Variants in CGAS observed in about 807,000 individuals in gnomAD.
CGAS encodes the protein cyclic GMP-AMP synthase.
In CGAS, 31 loss-of-function variants were observed where a neutral mutation model predicts 34.0. That is an observed-to-expected ratio of 0.91 (90% confidence interval 0.69 to 1.23). The LOEUF is 1.23. CGAS is among the 50% of genes most tolerant of loss of function. CGAS has a pLI of 0.00. For missense variants in CGAS, 597 were observed against 657.6 expected (o/e 0.91, Z 1.01); for synonymous variants, 266 against 260.0 (o/e 1.02, Z -0.22).
Position 73,423,832 on chromosome 6 carries a change from A to C in CGAS, c.*1395T>G, listed in dbSNP as rs1770032353. 1 of 152,186 alleles carries C rather than the reference A, an allele frequency of 6.6e-6. No homozygotes were observed. The highest frequency in any genetic ancestry group is 2.4e-5 in the African/African-American group (1 of 41,450). The allele number at this position is 152,186 out of a possible 1,614,324, so 9.4% of individuals were successfully genotyped here. On this transcript the variant is annotated 3_prime_UTR_variant, in exon 5 of 5. Transcript: ENST00000370315. The stretch of plus-strand genomic sequence containing the variant: ...AAACAAAAAAACCTTGTTTACTAAA[A>C]GACACCAAAAAATGTGCAGACAACC...
At chr6:73,427,278 C>A (rs1318540390) in intron 4 of CGAS, among the ~76,000 whole-genome samples, 9 of 143,600 alleles carry the variant, frequency 6.3e-5, no homozygotes, top group Admixed American at 3.6e-4. Context: ...GGCCAACTTA[C>A]TTTATTTATT....
At chr6:73,434,683 T>A (rs1770251889) in intron 3 of CGAS, among the ~76,000 whole-genome samples, 1 of 152,080 alleles carries the variant, frequency 6.6e-6, no homozygotes, top group Non-Finnish European at 1.5e-5. Context: ...AGTCTCGCTG[T>A]GTCTCCTAGA....
intron 4 of CGAS, among the ~76,000 whole-genome samples, chr6:73,426,592 C>T (rs1423950142): frequency 6.6e-6 from 1 of 150,990 alleles, no homozygotes; most frequent in East Asian, 1.9e-4. Flanking sequence ...AATCTCGGCT[C>T]ACTGCAACCT....
At chr6:73,432,589 C>G (rs569841956) in intron 3 of CGAS, among the ~76,000 whole-genome samples, 2 of 152,282 alleles carry the variant, frequency 1.3e-5, no homozygotes, top group East Asian at 3.9e-4. Context: ...CCCCAAATAG[C>G]TGGGACAACA....
At chr6:73,440,925 CA>C (rs1770367931) in intron 2 of CGAS, among the ~76,000 whole-genome samples, 1 of 151,330 alleles carries the variant, frequency 6.6e-6, no homozygotes, top group Non-Finnish European at 1.5e-5. Context: ...AAACAAAAAA[CA>C]AAAAACACAA....
chr6:73,452,117 G>T lies in CGAS; in HGVS notation c.65C>A (p.Ala22Asp). Residue 22 changes from alanine to aspartate, a missense_variant, in exon 1 of 5, where the codon GCT (alanine) becomes GAT (aspartate). By Grantham distance (126) the Ala-to-Asp change is moderately radical. Around this residue, in one of 3 missense-constraint regions of CGAS, gnomAD observed 321 missense variants for 314.3 expected, o/e 1.02. Transcript: ENST00000370315. ...ASEAGATAPKASARNARGAPM... is the reference protein window; with the variant it reads ...ASEAGATAPKDSARNARGAPM... Reference sequence around the variant, plus strand: ...GGCGCCCCTGGCATTCCGTGCGGAAGCCTTGGGGGCAGTGGCTCCGGCCTC... The same window carrying T: ...GGCGCCCCTGGCATTCCGTGCGGAATCCTTGGGGGCAGTGGCTCCGGCCTC... 6.2e-7 allele frequency: 1 copy of T among 1,603,774 alleles called. No homozygotes were observed. The highest frequency in any genetic ancestry group is 1.1e-5 in the South Asian group (1 of 89,650).
At chr6:73,430,583 G>C (rs1376757511) in intron 3 of CGAS, among the ~76,000 whole-genome samples, 1 of 152,048 alleles carries the variant, frequency 6.6e-6, no homozygotes, top group African/African-American at 2.4e-5. Flanking sequence ...CGAGGTTGCA[G>C]TGAGTCGAGA....
Position 73,441,082 on chromosome 6 carries a change from C to CT in CGAS, c.878-638dup, listed in dbSNP as rs570875136. 5.7e-3 allele frequency among the ~76,000 whole-genome samples: 783 copies of CT among 136,206 alleles called. 4 individuals are homozygous for CT. Among genetic ancestry groups the CT allele is most frequent in the East Asian group, 0.012 (55 of 4,764 alleles). The allele number at this position is 136,206 out of a possible 152,430, so 89.4% of individuals were successfully genotyped here. On this transcript the variant is annotated intron_variant, in intron 2 of 4. Coordinates refer to ENST00000370315, the MANE Select transcript of CGAS (RefSeq NM_138441.3). ...TCTTTTCTTTTTTCTTTTTCTTTTT[C>CT]TTTTTTTTTTTTTTTGAGACAGAGT...
intron 2 of CGAS, among the ~76,000 whole-genome samples, chr6:73,442,569 T>C (rs1770396424): frequency 1.3e-5 from 2 of 150,944 alleles, no homozygotes; most frequent in Non-Finnish European, 3.0e-5. Context: ...CCTGGCTAAT[T>C]AAAAAAATGT....
rs531954415 is a variant in CGAS, at chr6:73,428,799, C to T, written c.1127G>A (p.Arg376Gln). Reference protein sequence around the residue: ...EGNGFQEETWRLSFSHIEKEI... With the variant: ...EGNGFQEETWQLSFSHIEKEI... Reference sequence around the variant, plus strand: ...CTTTTCGATGTGAGAGAAGGATAGCCGCCATGTTTCTTCTTAATTTCAAAA... The same window carrying T: ...CTTTTCGATGTGAGAGAAGGATAGCTGCCATGTTTCTTCTTAATTTCAAAA... The change falls in exon 4 of 5, where the codon CGG (arginine) becomes CAG (glutamine). Residue 376 changes from arginine (R) to glutamine (Q), a missense_variant. Physicochemically the swap from Arg to Gln is conservative, Grantham distance 43. Around this residue, in one of 3 missense-constraint regions of CGAS, gnomAD observed 271 missense variants for 324.1 expected, o/e 0.84. Transcript: ENST00000370315. 158 of 1,610,880 alleles carry T rather than the reference C, an allele frequency of 9.8e-5. No individual in the cohort carries two copies. The highest frequency in any genetic ancestry group is 1.2e-4 in the Non-Finnish European group (147 of 1,179,240).
chr6:73,433,317 A>G (rs1055206392), intron 3 of CGAS, among the ~76,000 whole-genome samples: 4 of 151,550 alleles, frequency 2.6e-5, no homozygotes, highest in African/African-American at 9.7e-5. Flanking sequence ...GCTGGAGTGC[A>G]GTGGCAAGAT....
intron 3 of CGAS, among the ~76,000 whole-genome samples, chr6:73,431,633 T>G (rs2150810739): frequency 6.6e-6 from 1 of 152,322 alleles, no homozygotes; most frequent in Non-Finnish European, 1.5e-5. Flanking sequence ...GAGTAAATTT[T>G]ATTCAAGGAA....
At chr6:73,427,531 C>G (rs1200953265) in intron 4 of CGAS, among the ~76,000 whole-genome samples, 1 of 152,120 alleles carries the variant, frequency 6.6e-6, no homozygotes, top group African/African-American at 2.4e-5. Context: ...AATTCCTGAC[C>G]TCAGGTGATC....
chr6:73,438,834 T>C (rs1024767093), intron 3 of CGAS, among the ~76,000 whole-genome samples: 4 of 152,190 alleles, frequency 2.6e-5, no homozygotes, highest in Non-Finnish European at 5.9e-5. Context: ...TGGGGTCCTG[T>C]TGCAATTTTT....
chr6:73,425,587 TA>T lies in CGAS; in HGVS notation c.1218-10del, dbSNP rs1562289707. 6.5e-7 allele frequency: 1 copy of T among 1,539,236 alleles called. No homozygotes were observed. Reference sequence around the variant, plus strand: ...GTTTTAAACAATCTTTCCTGTTGAATAAAAAAGGAAAACACTTATTTTTACT... The same window carrying T: ...GTTTTAAACAATCTTTCCTGTTGAATAAAAAGGAAAACACTTATTTTTACT... On this transcript the variant is annotated splice_polypyrimidine_tract_variant and intron_variant, in intron 4 of 4. Transcript: ENST00000370315.
At chr6:73,436,193 A>G (rs1179046371) in intron 3 of CGAS, among the ~76,000 whole-genome samples, 5 of 151,906 alleles carry the variant, frequency 3.3e-5, no homozygotes, top group Admixed American at 2.0e-4. Flanking sequence ...AACTAGGACT[A>G]TAAGCACATG....
At chr6:73,443,003 A>C (rs1487346658) in intron 2 of CGAS, among the ~76,000 whole-genome samples, 1 of 151,680 alleles carries the variant, frequency 6.6e-6, no homozygotes, top group Admixed American at 6.6e-5. Context: ...GTGCTGAGAC[A>C]CCACAGTTAG....
chr6:73,435,666 T>C (rs1232554800), intron 3 of CGAS, among the ~76,000 whole-genome samples: 1 of 151,460 alleles, frequency 6.6e-6, no homozygotes, highest in African/African-American at 2.4e-5. Flanking sequence ...GTCCTGGCCA[T>C]GATGGCTCAT....
At chr6:73,442,154 TG>T (rs1770389911) in intron 2 of CGAS, among the ~76,000 whole-genome samples, 2 of 152,142 alleles carry the variant, frequency 1.3e-5, no homozygotes, top group African/African-American at 4.8e-5. Context: ...GTTACAAGTG[TG>T]AGCCACTGTG....
Sources: gnomAD v4.1 joint callset for allele counts (sites outside exome capture counted in the v4.1 genomes callset) on GRCh38, gnomAD v4.1.1 for gene constraint, gnomAD v4.1.1 regional missense constraint, MANE v1.5 for transcripts, NCBI Gene and HGNC (gene_info 2026-07-23, HGNC 2026-07-21) for gene names.